The following RGS6 variants were observed in gnomAD, a reference collection of about 807,000 sequenced individuals.
RGS6 encodes regulator of G-protein signaling 6.
A neutral mutation model predicts 78.5 loss-of-function variants in RGS6; 30 were observed. That is an observed-to-expected ratio of 0.38 (90% CI 0.29 to 0.52). The LOEUF is 0.52. Among genes scored for constraint, RGS6 ranks in the 20% least tolerant of loss-of-function variants. The probability of loss-of-function intolerance (pLI) is 0.85; values close to 1 mark genes in which losing one functional copy is unlikely to be tolerated. For missense variants in RGS6, 495 were observed against 609.7 expected (o/e 0.81, Z 1.98); for synonymous variants, 206 against 206.0 (o/e 1.00, Z 0.00).
the RGS6 span, chr14:72,612,468 C>T: frequency 3.9e-5 from 20 of 518,460 alleles, no homozygotes; most frequent in South Asian, 2.8e-4. Flanking sequence ...GCTTCTTCAA[C>T]TACATGTTGA....
chr14:72,484,905 G>T (rs1009337646), intron 12 of RGS6, among the ~76,000 whole-genome samples: 7 of 150,384 alleles, frequency 4.7e-5, no homozygotes, highest in Admixed American at 3.3e-4. Context: ...TGACCACAGA[G>T]TGTACCCCTG....
intron 2 of RGS6, among the ~76,000 whole-genome samples, chr14:72,351,500 G>A (rs1025182824): frequency 6.6e-6 from 1 of 152,064 alleles, no homozygotes; most frequent in Admixed American, 6.6e-5. Context: ...GGCTAAAATA[G>A]CTATCCACAT....
the RGS6 span, among the ~76,000 whole-genome samples, chr14:72,598,089 G>T: frequency 6.6e-6 from 1 of 152,380 alleles, no homozygotes; most frequent in African/African-American, 2.4e-5. Context: ...GGAGCTGGAA[G>T]GGACCGGCAA....
At chr14:72,614,898 C>T in the RGS6 span, among the ~76,000 whole-genome samples, 4 of 152,134 alleles carry the variant, frequency 2.6e-5, no homozygotes, top group East Asian at 5.8e-4. Context: ...AGATCCTCAC[C>T]CCTCCCAAAT....
chr14:71,936,019 T>TATATATATATATATGTAC (rs2152935005), intron 1 of RGS6, among the ~76,000 whole-genome samples: 1 of 120,340 alleles, frequency 8.3e-6, no homozygotes, highest in South Asian at 2.9e-4. Context: ...TAATAGGATA[T>TATATATATATATATGTAC]ATATATATAT....
chr14:71,880,653 A>T, the RGS6 span, among the ~76,000 whole-genome samples: 1 of 152,230 alleles, frequency 6.6e-6, no homozygotes, highest in Non-Finnish European at 1.5e-5. Flanking sequence ...ACAGAAGTCA[A>T]GAATTGAGGT....
intron 2 of RGS6, among the ~76,000 whole-genome samples, chr14:72,133,046 C>T (rs1450206813): frequency 6.6e-6 from 1 of 152,120 alleles, no homozygotes; most frequent in Non-Finnish European, 1.5e-5. Flanking sequence ...GGATGACTTC[C>T]TCCAAGAAGA....
At chr14:72,478,062 G>A (rs1351856002) in intron 11 of RGS6, among the ~76,000 whole-genome samples, 1 of 152,094 alleles carries the variant, frequency 6.6e-6, no homozygotes, top group Non-Finnish European at 1.5e-5. Flanking sequence ...ATGAGACAAA[G>A]GCTAAATTGC....
At chr14:72,411,908 G>A (rs1199171179) in intron 3 of RGS6, among the ~76,000 whole-genome samples, 1 of 152,108 alleles carries the variant, frequency 6.6e-6, no homozygotes, top group African/African-American at 2.4e-5. Flanking sequence ...TGCCTCCCAG[G>A]GATGAAGCCC....
rs2097018983 is a variant in RGS6, at chr14:72,520,336, C to T, written c.1278+1799C>T. ...GCTATTTAGCATGTTCTTCTATCAT[C>T]TCTCTTTCCTATAAATTCGTTTTAT... is the stretch of plus-strand genomic sequence containing the variant. On this transcript the variant is annotated intron_variant, in intron 15 of 17. Transcript: ENST00000553525. Among the ~76,000 whole-genome samples the T allele has an allele frequency of 2.0e-5, 3 of 152,184 alleles. No homozygotes were observed. In the South Asian group the frequency reaches 6.2e-4, roughly 32 times the overall value.
chr14:72,155,521 G>A (rs890911180), intron 2 of RGS6, among the ~76,000 whole-genome samples: 4 of 152,176 alleles, frequency 2.6e-5, no homozygotes, highest in Non-Finnish European at 4.4e-5. Context: ...CATTTCAGGA[G>A]AAATGACCTG....
intron 1 of RGS6, among the ~76,000 whole-genome samples, chr14:71,957,190 G>A (rs1352977889): frequency 1.3e-5 from 2 of 152,208 alleles, no homozygotes; most frequent in African/African-American, 4.8e-5. Context: ...GAAGGTGTTA[G>A]GGAAGCAGAA....
intron 3 of RGS6, among the ~76,000 whole-genome samples, chr14:72,352,420 A>G (rs1176839925): frequency 1.3e-5 from 2 of 152,226 alleles, no homozygotes; most frequent in Non-Finnish European, 2.9e-5. Flanking sequence ...GTGCATGTAG[A>G]TTGAGGCTGC....
At chr14:71,913,288 A>C in the RGS6 span, among the ~76,000 whole-genome samples, 5 of 152,164 alleles carry the variant, frequency 3.3e-5, no homozygotes, top group African/African-American at 1.2e-4. Flanking sequence ...AAACTTGCTC[A>C]ATATGTGTAA....
chr14:72,536,127 T>C (rs893662707), intron 15 of RGS6, 59 bp from the exon 16 acceptor site: 4 of 1,256,384 alleles, frequency 3.2e-6, no homozygotes, highest in Middle Eastern at 2.0e-4. Context: ...TGGATTGTAA[T>C]ATTCTTTAGC....
chr14:72,126,783 A>T (rs190838854), intron 2 of RGS6, among the ~76,000 whole-genome samples: 1 of 152,314 alleles, frequency 6.6e-6, no homozygotes, highest in East Asian at 1.9e-4. Flanking sequence ...GGGCTTATAC[A>T]GCTGAGTCAA....
At chr14:72,430,117 A>G (rs2094568151) in intron 3 of RGS6, among the ~76,000 whole-genome samples, 1 of 152,158 alleles carries the variant, frequency 6.6e-6, no homozygotes. Flanking sequence ...GACTAATACA[A>G]CACCCTCCAT....
the RGS6 span, among the ~76,000 whole-genome samples, chr14:71,888,430 A>G: frequency 6.6e-6 from 1 of 151,372 alleles, no homozygotes; most frequent in Non-Finnish European, 1.5e-5. Context: ...AAAAAAAAAA[A>G]AAAGAAGAAG....
chr14:72,255,570 A>G (rs1316800670), intron 2 of RGS6, among the ~76,000 whole-genome samples: 2 of 152,186 alleles, frequency 1.3e-5, no homozygotes, highest in African/African-American at 4.8e-5. Context: ...ATTGGTTCCC[A>G]GAGATGGACT....
Sources: gnomAD v4.1 joint callset for allele counts (sites outside exome capture counted in the v4.1 genomes callset) on GRCh38, gnomAD v4.1.1 for gene constraint, MANE v1.5 for transcripts, NCBI Gene and HGNC (gene_info 2026-07-23, HGNC 2026-07-21) for gene names.